CNTNAP2: variants seen among roughly 807,000 people sequenced by gnomAD.
CNTNAP2 encodes contactin-associated protein-like 2.
Under a neutral mutation model 155.2 loss-of-function variants are expected in CNTNAP2, and 98 were observed. The ratio of observed to expected loss-of-function variants is 0.63; its 90% confidence interval spans 0.54 to 0.75. The LOEUF (loss-of-function observed/expected upper bound fraction) is 0.75. Among genes scored for constraint, CNTNAP2 ranks in the 30% least tolerant of loss-of-function variants. The pLI, the probability that CNTNAP2 is intolerant of heterozygous loss-of-function variation, is 0.00. For missense variants in CNTNAP2, 1,727 were observed against 1,688.1 expected (o/e 1.02, Z -0.40); for synonymous variants, 651 against 631.2 (o/e 1.03, Z -0.47).
chr7:146,367,712 A>G (rs1184796058), intron 1 of CNTNAP2, among the ~76,000 whole-genome samples: 3 of 152,138 alleles, frequency 2.0e-5, no homozygotes, highest in Non-Finnish European at 2.9e-5. Context: ...TAACACAGAA[A>G]TCCATTAAAA....
At chr7:147,197,742 A>G (rs999754429) in intron 8 of CNTNAP2, among the ~76,000 whole-genome samples, 1 of 152,214 alleles carries the variant, frequency 6.6e-6, no homozygotes, top group African/African-American at 2.4e-5. Flanking sequence ...CTTATAAACA[A>G]TGTCTAAGGA....
chr7:147,947,454 C>CAAAAA (rs10708483), intron 14 of CNTNAP2, among the ~76,000 whole-genome samples: 2 of 80,276 alleles, frequency 2.5e-5, no homozygotes. Context: ...CCTGTCTCTA[C>CAAAAA]AAAAAAAAAA....
At chr7:146,868,356 A>G (rs1168985717) in intron 3 of CNTNAP2, among the ~76,000 whole-genome samples, 2 of 151,982 alleles carry the variant, frequency 1.3e-5, no homozygotes, top group East Asian at 1.9e-4. Flanking sequence ...TGATATCTCT[A>G]TTCTGTTCCA....
At chr7:146,779,034 A>G (rs2129186729) in intron 2 of CNTNAP2, among the ~76,000 whole-genome samples, 1 of 152,290 alleles carries the variant, frequency 6.6e-6, no homozygotes, top group Non-Finnish European at 1.5e-5. Context: ...AGAGGAGAGC[A>G]GGTGCTGGGG....
Position 148,262,200 on chromosome 7 carries a change from G to A in CNTNAP2, c.3382-4833G>A, listed in dbSNP as rs62472773. On this transcript the variant is annotated intron_variant, in intron 20 of 23. Coordinates refer to ENST00000361727, the MANE Select transcript of CNTNAP2 (RefSeq NM_014141.6). ...AACTGGGTGCTCTCAGAAAAGCAGG[G>A]CTAATTCAGTTATTGGGCCTCTTAA... Among the ~76,000 whole-genome samples the A allele has an allele frequency of 5.7e-3, 866 of 152,234 alleles. 5 individuals carry two copies. The highest frequency in any genetic ancestry group is 0.014 in the Middle Eastern group (4 of 294).
At chr7:148,276,004 G>A (rs1424467793) in intron 21 of CNTNAP2, among the ~76,000 whole-genome samples, 1 of 152,110 alleles carries the variant, frequency 6.6e-6, no homozygotes, top group African/African-American at 2.4e-5. Context: ...GTGGAAAGTC[G>A]GATGTGAAGA....
intron 1 of CNTNAP2, among the ~76,000 whole-genome samples, chr7:146,693,159 T>C (rs925040923): frequency 2.0e-5 from 3 of 152,140 alleles, no homozygotes; most frequent in African/African-American, 7.2e-5. Context: ...GTAACAAAGA[T>C]AGCATTGTGC....
At chr7:148,044,237 G>C (rs539240672) in intron 15 of CNTNAP2, among the ~76,000 whole-genome samples, 1 of 148,772 alleles carries the variant, frequency 6.7e-6, no homozygotes, top group Non-Finnish European at 1.5e-5. Context: ...ATTTAGTCTC[G>C]GGGTCTCCGT....
chr7:146,335,993 A>G (rs1193113338), intron 1 of CNTNAP2, among the ~76,000 whole-genome samples: 1 of 152,112 alleles, frequency 6.6e-6, no homozygotes, highest in Non-Finnish European at 1.5e-5. Flanking sequence ...TAAGGCTGGG[A>G]GTTTGAGACC....
At chr7:146,996,238 T>C (rs1798306446) in intron 3 of CNTNAP2, among the ~76,000 whole-genome samples, 1 of 152,122 alleles carries the variant, frequency 6.6e-6, no homozygotes, top group Non-Finnish European at 1.5e-5. Flanking sequence ...TTATGATTTT[T>C]TTTTATTTCT....
At chr7:147,450,748 C>T (rs1321554889) in intron 10 of CNTNAP2, among the ~76,000 whole-genome samples, 2 of 152,094 alleles carry the variant, frequency 1.3e-5, no homozygotes, top group African/African-American at 2.4e-5. Flanking sequence ...ATTAATAAGC[C>T]AAAGTTTCTT....
chr7:146,638,780 C>T (rs1000442969), intron 1 of CNTNAP2, among the ~76,000 whole-genome samples: 8 of 151,842 alleles, frequency 5.3e-5, no homozygotes, highest in African/African-American at 1.9e-4. Context: ...CCACCGCGCC[C>T]GGCCAGGTGT....
intron 16 of CNTNAP2, among the ~76,000 whole-genome samples, chr7:148,133,524 A>G (rs1014123888): frequency 2.0e-5 from 3 of 152,242 alleles, no homozygotes; most frequent in Middle Eastern, 3.4e-3. Context: ...CCTTCCACAC[A>G]GTGATTTAGA....
At chr7:146,698,010 C>A (rs183979152) in intron 1 of CNTNAP2, among the ~76,000 whole-genome samples, 15 of 152,112 alleles carry the variant, frequency 9.9e-5, no homozygotes, top group Non-Finnish European at 2.9e-5. Flanking sequence ...TTGCAATATA[C>A]ATTTGCAATA....
intron 11 of CNTNAP2, among the ~76,000 whole-genome samples, chr7:147,531,859 T>C (rs1432687053): frequency 1.1e-4 from 16 of 150,248 alleles, no homozygotes; most frequent in African/African-American, 3.7e-4. Context: ...CAGGCTGGAA[T>C]GCAGTGGTGT....
chr7:148,294,039 CAAAAAAAAAAAAAA>C (rs10607772), intron 21 of CNTNAP2, among the ~76,000 whole-genome samples: 4 of 70,026 alleles, frequency 5.7e-5, no homozygotes, highest in Non-Finnish European at 1.0e-4. Flanking sequence ...GGCTCCATCT[CAAAAAAAAAAAAAA>C]AAAAAAAAAA....
intron 1 of CNTNAP2, among the ~76,000 whole-genome samples, chr7:146,468,877 T>C (rs948883335): frequency 3.3e-5 from 5 of 152,098 alleles, no homozygotes; most frequent in African/African-American, 7.2e-5. Flanking sequence ...CCAAATTAAA[T>C]GTTAGTCTCT....
intron 1 of CNTNAP2, among the ~76,000 whole-genome samples, chr7:146,648,030 T>C (rs1332352349): frequency 6.6e-6 from 1 of 152,098 alleles, no homozygotes; most frequent in Admixed American, 6.6e-5. Flanking sequence ...TGGATCTGGC[T>C]ATAGTCATTT....
At chr7:147,754,009 G>A (rs1024950168) in intron 13 of CNTNAP2, among the ~76,000 whole-genome samples, 3 of 152,068 alleles carry the variant, frequency 2.0e-5, no homozygotes, top group African/African-American at 7.2e-5. Context: ...CAACCCTGCA[G>A]CCCTAAGTAC....
Sources: allele counts gnomAD v4.1 joint callset (sites outside exome capture counted in the v4.1 genomes callset), GRCh38; gene constraint gnomAD v4.1.1; transcripts MANE v1.5; gene names NCBI Gene and HGNC (gene_info 2026-07-23, HGNC 2026-07-21).